The following NTRK2 variants were observed in gnomAD, a reference collection of about 807,000 sequenced individuals.
The protein encoded by NTRK2 is BDNF/NT-3 growth factors receptor.
In NTRK2, 13 loss-of-function variants were observed where a neutral mutation model predicts 94.5. The ratio of observed to expected loss-of-function variants is 0.14; its 90% confidence interval spans 0.09 to 0.22. NTRK2 has a LOEUF of 0.22. NTRK2 is among the 10% of genes least tolerant of loss of function. The pLI, the probability that NTRK2 is intolerant of heterozygous loss-of-function variation, is 1.00. For synonymous variants in NTRK2, 372 were observed against 407.4 expected, an observed-to-expected ratio of 0.91 and a Z score of 1.05; for missense variants, 639 against 1,071.2, an observed-to-expected ratio of 0.60 and a Z score of 5.63.
At position 84,692,958 on chromosome 9, in the gene NTRK2, G is replaced by T. The variant is rs747048876; in HGVS notation, c.213-9201G>T. Among the ~76,000 whole-genome samples the T allele has an allele frequency of 3.3e-5, 5 of 152,260 alleles. No individual in the cohort carries two copies. The South Asian group carries it at 1.0e-3, about 32-fold the overall frequency. On this transcript the variant is annotated intron_variant, in intron 2 of 18. Coordinates refer to ENST00000277120, the MANE Select transcript of NTRK2 (RefSeq NM_006180.6). ...CTTTCCATGGGCCAGTGAAAGATCG[G>T]AAGTTGCTCAAGATGGAACCAATTG... is the stretch of plus-strand genomic sequence containing the variant.
intron 12 of NTRK2, among the ~76,000 whole-genome samples, chr9:84,797,471 G>A (rs1244037218): frequency 7.2e-6 from 1 of 137,936 alleles, no homozygotes. Flanking sequence ...CTCTTCATGT[G>A]GAAATTACTT....
At chr9:84,916,064 G>T (rs2077383348) in intron 14 of NTRK2, among the ~76,000 whole-genome samples, 1 of 152,010 alleles carries the variant, frequency 6.6e-6, no homozygotes, top group African/African-American at 2.4e-5. Context: ...AAATCTATCA[G>T]TCCAGAGTCC....
chr9:84,753,161 G>A (rs2064786907), intron 12 of NTRK2, among the ~76,000 whole-genome samples: 1 of 152,078 alleles, frequency 6.6e-6, no homozygotes, highest in African/African-American at 2.4e-5. Context: ...GTAAATTGGG[G>A]CTTAAAATAA....
At chr9:85,000,926 T>G (rs1205194569) in intron 17 of NTRK2, among the ~76,000 whole-genome samples, 2 of 152,232 alleles carry the variant, frequency 1.3e-5, no homozygotes, top group African/African-American at 4.8e-5. Context: ...CAACATTTGA[T>G]GTTGTCAGTG....
At chr9:84,877,651 G>A (rs2132171341) in intron 14 of NTRK2, 2 of 1,064,774 alleles carry the variant, frequency 1.9e-6, no homozygotes, top group East Asian at 1.0e-4. Flanking sequence ...ATTGCTAAAT[G>A]TTGCCTAACT....
At chr9:84,997,827 T>C (rs1829925786) in intron 17 of NTRK2, among the ~76,000 whole-genome samples, 1 of 152,066 alleles carries the variant, frequency 6.6e-6, no homozygotes, top group African/African-American at 2.4e-5. Flanking sequence ...GGAAGAGATA[T>C]GGAGTCTTGT....
intron 12 of NTRK2, among the ~76,000 whole-genome samples, chr9:84,762,565 A>C (rs2065676285): frequency 1.3e-5 from 2 of 152,222 alleles, no homozygotes; most frequent in African/African-American, 4.8e-5. Context: ...TATCCCTCAC[A>C]TTATATCTTC....
intron 12 of NTRK2, among the ~76,000 whole-genome samples, chr9:84,850,187 T>A (rs1263242465): frequency 4.6e-5 from 7 of 151,666 alleles, no homozygotes; most frequent in African/African-American, 1.7e-4. Context: ...AGACAAAGCA[T>A]GGGGGTTACA....
intron 14 of NTRK2, among the ~76,000 whole-genome samples, chr9:84,892,740 A>T (rs919577377): frequency 2.6e-5 from 4 of 152,158 alleles, no homozygotes; most frequent in African/African-American, 9.6e-5. Flanking sequence ...GGCCAACATG[A>T]TGAAACTCCA....
At chr9:84,748,147 C>G (rs1015889810) in intron 11 of NTRK2, among the ~76,000 whole-genome samples, 1 of 152,124 alleles carries the variant, frequency 6.6e-6, no homozygotes, top group Non-Finnish European at 1.5e-5. Context: ...CAGATGAAAA[C>G]TAACCCATCA....
At position 84,727,676 on chromosome 9, in the gene NTRK2, C is replaced by T. The variant is rs367901572; in HGVS notation, c.876C>T (p.Leu292=). 1.5e-5 allele frequency: 24 copies of T among 1,612,588 alleles called. No homozygotes were observed. The South Asian group carries it at 1.5e-4, about 10-fold the overall frequency. The change falls in exon 9 of 19, where the codon CTC becomes CTT. Residue 292 remains leucine, a synonymous_variant. Coordinates refer to ENST00000277120, the MANE Select transcript of NTRK2 (RefSeq NM_006180.6). ...TAGTTGCACCAACTATCACATTTCT[C>T]GAATCTCCAACCTCAGACCACCACT... ...TVHFAPTITF[L]ESPTSDHHWC...
chr9:84,859,326 A>G (rs2075220990), intron 12 of NTRK2, among the ~76,000 whole-genome samples: 1 of 152,220 alleles, frequency 6.6e-6, no homozygotes, highest in African/African-American at 2.4e-5. Context: ...GTAGAGCTCA[A>G]AAACACACTT....
chr9:84,896,014 C>T (rs1453553206), intron 14 of NTRK2, among the ~76,000 whole-genome samples: 1 of 152,232 alleles, frequency 6.6e-6, no homozygotes, highest in African/African-American at 2.4e-5. Context: ...GTAAGCCTCT[C>T]ACCCTCTCTT....
At chr9:84,767,540 G>A (rs2066151417) in intron 12 of NTRK2, among the ~76,000 whole-genome samples, 1 of 152,210 alleles carries the variant, frequency 6.6e-6, no homozygotes, top group South Asian at 2.1e-4. Flanking sequence ...TGGTGATGGT[G>A]ATAGTGGAGA....
At chr9:84,794,189 C>T (rs950227239) in intron 12 of NTRK2, among the ~76,000 whole-genome samples, 1 of 152,102 alleles carries the variant, frequency 6.6e-6, no homozygotes, top group Non-Finnish European at 1.5e-5. Flanking sequence ...GCAGTAGATA[C>T]GAACCACATG....
At chr9:84,774,668 A>G (rs145384212) in intron 12 of NTRK2, among the ~76,000 whole-genome samples, 2 of 152,372 alleles carry the variant, frequency 1.3e-5, no homozygotes, top group African/African-American at 2.4e-5. Flanking sequence ...GGAGCTTTCC[A>G]TAGCCCGTCT....
chr9:84,824,099 C>A (rs1013641269), intron 12 of NTRK2, among the ~76,000 whole-genome samples: 1 of 152,162 alleles, frequency 6.6e-6, no homozygotes, highest in Non-Finnish European at 1.5e-5. Context: ...TCAGAGTTGT[C>A]CCACCCTGAG....
At chr9:84,903,288 C>G (rs1027199212) in intron 14 of NTRK2, among the ~76,000 whole-genome samples, 2 of 152,200 alleles carry the variant, frequency 1.3e-5, no homozygotes, top group East Asian at 3.9e-4. Context: ...CAACAAAAGT[C>G]TCCAGGTAAA....
chr9:84,788,954 C>A (rs1304047246), intron 12 of NTRK2, among the ~76,000 whole-genome samples: 3 of 152,122 alleles, frequency 2.0e-5, no homozygotes, highest in African/African-American at 7.2e-5. Flanking sequence ...GGCTCTGCTG[C>A]GTGCTCACCA....
Sources: gnomAD v4.1 joint callset for allele counts (sites outside exome capture counted in the v4.1 genomes callset) on GRCh38, gnomAD v4.1.1 for gene constraint, MANE v1.5 for transcripts, NCBI Gene and HGNC (gene_info 2026-07-23, HGNC 2026-07-21) for gene names.